The following ELAC2 variants were observed in gnomAD, a reference collection of about 807,000 sequenced individuals.
ELAC2 encodes zinc phosphodiesterase ELAC protein 2.
A neutral mutation model predicts 105.2 loss-of-function variants in ELAC2; 92 were observed. The observed-to-expected ratio is 0.87, with a 90% CI of 0.74 to 1.04. The LOEUF (loss-of-function observed/expected upper bound fraction) is 1.04. Ranked by LOEUF, ELAC2 falls within the 50% of genes least tolerant of loss-of-function variation. ELAC2 has a pLI of 0.00. For missense variants in ELAC2, 1,099 were observed against 1,071.7 expected, an observed-to-expected ratio of 1.03 and a Z score of -0.36; for synonymous variants, 468 against 409.1, an observed-to-expected ratio of 1.14 and a Z score of -1.74.
rs754722229 is a variant in ELAC2, at chr17:13,002,341, T to G, written c.1237A>C (p.Ser413Arg). ...CATTCACCCTGAACCATGGGCACAC[T>G]GAGGGTGGGGCCCTCCTTCTGAAAG... ...FRCKKEGPTLSVPMVQGECLL... is the reference protein window; with the variant it reads ...FRCKKEGPTLRVPMVQGECLL... The change falls in exon 14 of 24, where the codon AGT becomes CGT. Residue 413 changes from serine to arginine, a missense_variant. Physicochemically the swap from Ser to Arg is moderately radical, Grantham distance 110. Transcript: ENST00000338034. The G allele has an allele frequency of 1.1e-5, 18 of 1,614,190 alleles. No homozygotes were observed. The highest frequency in any genetic ancestry group is 1.5e-5 in the Non-Finnish European group (18 of 1,180,040).
chr17:13,014,741 A>G (rs2041627421), intron 4 of ELAC2, among the ~76,000 whole-genome samples: 1 of 152,194 alleles, frequency 6.6e-6, no homozygotes, highest in Non-Finnish European at 1.5e-5. Context: ...GAAACACGAT[A>G]ACAGAAACAG....
At position 13,002,151 on chromosome 17, in the gene ELAC2, T is replaced by A. The variant is rs2040843981; in HGVS notation, c.1304+123A>T. The A allele has an allele frequency of 3.9e-6, 4 of 1,032,840 alleles. No homozygotes were observed. In the Admixed American group the frequency reaches 7.9e-5, roughly 20 times the overall value. The allele number at this position is 1,032,840 out of a possible 1,614,324, so 64.0% of individuals were successfully genotyped here. A position where few individuals can be genotyped will look rare whatever the true frequency, so the allele number is the denominator to read the frequency against. On this transcript the variant is annotated intron_variant, in intron 14 of 23. Transcript: ENST00000338034. ...GTTTCTTTTGTGCTCAAAGCGGAGTTGAATAGTTACAACAGAGACCATATG... is the reference window on the plus strand; with the variant it reads ...GTTTCTTTTGTGCTCAAAGCGGAGTAGAATAGTTACAACAGAGACCATATG...
intron 6 of ELAC2, among the ~76,000 whole-genome samples, chr17:13,012,899 G>T (rs945943412): frequency 6.6e-6 from 1 of 152,106 alleles, no homozygotes; most frequent in Non-Finnish European, 1.5e-5. Context: ...GATCAAAAGA[G>T]GGTATTACGC....
rs1258429104 is a variant in ELAC2, at chr17:12,993,713, C to T, written c.2227G>A (p.Val743Met). 6.2e-7 allele frequency: 1 copy of T among 1,614,252 alleles called. No homozygotes were observed. The highest frequency in any genetic ancestry group is 2.2e-5 in the East Asian group (1 of 44,884). Reference sequence around the variant, plus strand: ...TTCATGTGGTCAAAGGCAACTCCCACTTTCTCGCTGAAGTTGGGGCTGAAG... The same window carrying T: ...TTCATGTGGTCAAAGGCAACTCCCATTTTCTCGCTGAAGTTGGGGCTGAAG... ...PLFSPNFSEK[V>M]GVAFDHMKVC... The change falls in exon 23 of 24, where the codon GTG becomes ATG. Residue 743 changes from valine to methionine, a missense_variant. Transcript: ENST00000338034.
chr17:13,009,068 A>T (rs60713770), intron 8 of ELAC2, among the ~76,000 whole-genome samples: 1 of 152,084 alleles, frequency 6.6e-6, no homozygotes, highest in Non-Finnish European at 1.5e-5. Context: ...ATAAATATAG[A>T]TTATCAAAAA....
chr17:13,015,673 G>C, intron 4 of ELAC2, 95 bp downstream of exon 4: 1 of 1,021,296 alleles, frequency 9.8e-7, no homozygotes, highest in South Asian at 1.3e-5. Context: ...GGTATCTCTG[G>C]AGGGCAGAAG....
At chr17:12,999,722 G>GA (rs1254046047) in intron 15 of ELAC2, among the ~76,000 whole-genome samples, 1 of 151,836 alleles carries the variant, frequency 6.6e-6, no homozygotes, top group Non-Finnish European at 1.5e-5. Context: ...GCAGTGGCAC[G>GA]ACCTTGGCTC....
chr17:13,014,866 C>T (rs1158164169), intron 4 of ELAC2, among the ~76,000 whole-genome samples: 2 of 152,162 alleles, frequency 1.3e-5, no homozygotes, highest in African/African-American at 4.8e-5. Context: ...TCTAGCTGAG[C>T]CCTGAAGGTT....
At chr17:13,003,849 C>T (rs1195615393) in intron 11 of ELAC2, 6 of 470,468 alleles carry the variant, frequency 1.3e-5, no homozygotes, top group Non-Finnish European at 2.4e-5. Flanking sequence ...CACTTCCTTC[C>T]TACCCTCTCC....
At position 13,004,929 on chromosome 17, in the gene ELAC2, A is replaced by AT. The variant is rs375656681; in HGVS notation, c.983+59dup. 162 of 1,299,558 alleles carry AT rather than the reference A, an allele frequency of 1.2e-4. No homozygotes were observed. The African/African-American group carries it at 2.0e-3, about 16-fold the overall frequency. The allele number at this position is 1,299,558 out of a possible 1,614,324, so 80.5% of individuals were successfully genotyped here. The stretch of plus-strand genomic sequence containing the variant: ...ACACAGCTCTTGCCACAAGATGCCC[A>AT]TGTCGATGCTGGGCTGGGTTTCAGC... On this transcript the variant is annotated intron_variant, in intron 11 of 23. Transcript: ENST00000338034.
intron 3 of ELAC2, among the ~76,000 whole-genome samples, 162 bp from the exon 4 acceptor site, chr17:13,015,994 G>A (rs752902495): frequency 1.5e-4 from 23 of 152,344 alleles, no homozygotes; most frequent in South Asian, 6.2e-4. Flanking sequence ...GCCAGCTAGA[G>A]GTGTAACAGA....
At position 12,992,946 on chromosome 17, in the gene ELAC2, G is replaced by T. The variant is rs1060502162; in HGVS notation, c.2353C>A (p.Arg785=). The T allele has an allele frequency of 6.2e-7, 1 of 1,611,056 alleles. No individual in the cohort carries two copies. The highest frequency in any genetic ancestry group is 8.5e-7 in the Non-Finnish European group (1 of 1,180,008). ...GCCGCCCGCACCTGCCGCAGCTCCC[G>T]CTTCTCCCTGCGCTCCTCCATCTCC... is the stretch of plus-strand genomic sequence containing the variant. ...IEEMEERREK[R]ELRQVRAALL... Residue 785 remains arginine, a synonymous_variant, in exon 24 of 24, where the codon CGG becomes AGG. Transcript: ENST00000338034.
intron 1 of ELAC2, 127 bp from the exon 2 acceptor site, chr17:13,017,248 G>C: frequency 9.7e-7 from 1 of 1,030,376 alleles, no homozygotes; most frequent in Non-Finnish European, 1.5e-6. Context: ...GTCCACGTTG[G>C]ACTACCGAGC....
chr17:13,013,055 A>G, intron 6 of ELAC2, 152 bp downstream of exon 6: 1 of 827,494 alleles, frequency 1.2e-6, no homozygotes, highest in South Asian at 1.4e-5. Flanking sequence ...CCAGGGCAGG[A>G]GCCATATCTT....
chr17:12,996,050 C>T, intron 17 of ELAC2, 72 bp from the exon 18 acceptor site: 1 of 1,518,546 alleles, frequency 6.6e-7, no homozygotes, highest in Non-Finnish European at 8.9e-7. Flanking sequence ...GTCTGCAGCC[C>T]TCTCTCTTGC....
chr17:13,017,219 AAAG>A (rs2041786573), intron 1 of ELAC2, 98 bp from the exon 2 acceptor site: 12 of 1,280,238 alleles, frequency 9.4e-6, no homozygotes, highest in South Asian at 1.3e-5. Flanking sequence ...GAAAAAAAAA[AAAG>A]AAAAAAAAAT....
chr17:13,014,290 C>CAA (rs959230890), intron 5 of ELAC2, 149 bp downstream of exon 5: 23,059 of 362,652 alleles, frequency 0.064, 401 homozygotes, highest in African/African-American at 0.08. Context: ...AGACTCTATC[C>CAA]AAAAAAAAAA....
intron 6 of ELAC2, among the ~76,000 whole-genome samples, chr17:13,012,868 C>T (rs2041495374): frequency 6.6e-6 from 1 of 152,140 alleles, no homozygotes. Context: ...TCTATCTGTG[C>T]AAACCTCTTC....
chr17:13,011,208 A>C (rs2041391752), intron 7 of ELAC2, among the ~76,000 whole-genome samples: 1 of 152,188 alleles, frequency 6.6e-6, no homozygotes, highest in Admixed American at 6.5e-5. Context: ...CTGACTCCTG[A>C]GCTACATCTC....
Sources: allele counts gnomAD v4.1 joint callset (sites outside exome capture counted in the v4.1 genomes callset), GRCh38; gene constraint gnomAD v4.1.1; transcripts MANE v1.5; gene names NCBI Gene and HGNC (gene_info 2026-07-23, HGNC 2026-07-21).